Variants in PI4KA observed in about 807,000 individuals in gnomAD.
The protein encoded by PI4KA is PI4-kinase alpha.
A neutral mutation model predicts 271.4 loss-of-function variants in PI4KA; 122 were observed. The observed-to-expected ratio is 0.45, with a 90% CI of 0.39 to 0.52. PI4KA has a LOEUF of 0.52. Among genes scored for constraint, PI4KA ranks in the 20% least tolerant of loss-of-function variants. The pLI is 0.00. For missense variants in PI4KA, 1,969 were observed against 2,769.1 expected (o/e 0.71, Z 6.48); for synonymous variants, 1,041 against 1,078.8 (o/e 0.96, Z 0.69).
rs886192073 is a variant in PI4KA at position 20,759,402 on chromosome 22, C to CTTTTTTTTTTTTTT, written c.2791+1888_2791+1901dup. 2.5e-3 allele frequency among the ~76,000 whole-genome samples: 255 copies of CTTTTTTTTTTTTTT among 102,862 alleles called. 10 individuals carry two copies. Among genetic ancestry groups the CTTTTTTTTTTTTTT allele is most frequent in the East Asian group, 6.0e-3 (19 of 3,184 alleles). 67.5% of individuals were successfully genotyped at this position (102,862 alleles called of 152,430 possible). A position where few individuals can be genotyped will look rare whatever the true frequency, so the allele number is the denominator to read the frequency against. On this transcript the variant is annotated intron_variant, in intron 23 of 54. Coordinates refer to ENST00000255882, the MANE Select transcript of PI4KA (RefSeq NM_058004.4). ...TTGATTTTTCTTTTTCTTTTCTTTT[C>CTTTTTTTTTTTTTT]TTTTTTTTTTTTTTTTTTTTTGAGA...
intron 10 of PI4KA, among the ~76,000 whole-genome samples, chr22:20,805,559 G>A (rs1002333687): frequency 6.6e-6 from 1 of 152,016 alleles, no homozygotes; most frequent in Non-Finnish European, 1.5e-5. Context: ...AGGGCCAGGC[G>A]CGGTGGCTCA....
At chr22:20,729,735 G>A in intron 37 of PI4KA, 24 bp from the exon 38 acceptor site, 2 of 1,584,216 alleles carry the variant, frequency 1.3e-6, no homozygotes, top group Non-Finnish European at 8.6e-7. Flanking sequence ...CAAAGCACAG[G>A]TGTAGTCCTC....
rs571530408 is a variant in PI4KA at position 20,765,277 on chromosome 22, G to A, written c.2438-41C>T. On this transcript the variant is annotated intron_variant, in intron 20 of 54. Transcript: ENST00000255882. ...CATAAATGAGGAAATCACCTTGGTCGGAAAGCACTGCAGTGAGGTTGACTG... is the reference window on the plus strand; with the variant it reads ...CATAAATGAGGAAATCACCTTGGTCAGAAAGCACTGCAGTGAGGTTGACTG... 2.4e-5 allele frequency: 37 copies of A among 1,564,508 alleles called. No individual in the cohort carries two copies. The South Asian group carries it at 3.3e-4, about 14-fold the overall frequency.
intron 23 of PI4KA, among the ~76,000 whole-genome samples, chr22:20,757,431 AG>A (rs1931431339): frequency 6.6e-6 from 1 of 152,230 alleles, no homozygotes; most frequent in Non-Finnish European, 1.5e-5. Context: ...CTGATGTCAC[AG>A]GAACAGAAAA....
rs754586130 is a variant in PI4KA, at chr22:20,727,360, G to A, written c.4811C>T (p.Pro1604Leu). The A allele has an allele frequency of 2.3e-5, 37 of 1,608,842 alleles. No homozygotes were observed. The highest frequency in any genetic ancestry group is 1.4e-4 in the Admixed American group (8 of 58,238). ...VTWHTIDADAPELSHVLCWAP... is the reference protein window; with the variant it reads ...VTWHTIDADALELSHVLCWAP... ...CCAGCACAGCACATGGCTGAGCTCT[G>A]GAGCATCGGCGTCGATGGTGTGCCA... The change falls in exon 41 of 55, where the codon CCA becomes CTA. Residue 1604 changes from proline to leucine, a missense_variant. Coordinates refer to ENST00000255882, the MANE Select transcript of PI4KA (RefSeq NM_058004.4).
chr22:20,795,707 T>C (rs1392965343), intron 18 of PI4KA, among the ~76,000 whole-genome samples: 2 of 152,202 alleles, frequency 1.3e-5, no homozygotes, highest in Non-Finnish European at 2.9e-5. Context: ...ACATGACGTT[T>C]ATCTCAGTAG....
At chr22:20,810,864 G>A in intron 9 of PI4KA, 103 bp downstream of exon 9, 1 of 882,498 alleles carries the variant, frequency 1.1e-6, no homozygotes. Flanking sequence ...TGAAAACACT[G>A]CAAAACCCCT....
chr22:20,852,549 A>T (rs1024376330), intron 1 of PI4KA, among the ~76,000 whole-genome samples: 4 of 152,180 alleles, frequency 2.6e-5, no homozygotes, highest in African/African-American at 9.7e-5. Flanking sequence ...GTTACAGGTA[A>T]AGATTTTTTC....
intron 15 of PI4KA, 101 bp from the exon 16 acceptor site, chr22:20,799,377 G>T: frequency 8.9e-7 from 1 of 1,122,068 alleles, no homozygotes; most frequent in Non-Finnish European, 1.2e-6. Context: ...TTTCATAACA[G>T]TCTTGATGCA....
In PI4KA at chr22:20,810,957, A is replaced by G. The variant is rs1424782855; in HGVS notation, c.1071+10T>C. ...CTGATCTCATGGTAATGCCCTCAGAAGCGACATACCTCCATCACACTGGCT... is the reference window on the plus strand; with the variant it reads ...CTGATCTCATGGTAATGCCCTCAGAGGCGACATACCTCCATCACACTGGCT... On this transcript the variant is annotated intron_variant, in intron 9 of 54. Coordinates refer to ENST00000255882, the MANE Select transcript of PI4KA (RefSeq NM_058004.4). 2 of 1,605,762 alleles carry G rather than the reference A, an allele frequency of 1.2e-6. No homozygotes were observed. Among genetic ancestry groups the G allele is most frequent in the Admixed American group, 1.7e-5 (1 of 59,996 alleles).
rs1928075820 is a variant in PI4KA, at chr22:20,731,714, G to C, written c.4288+1257C>G. Among the ~76,000 whole-genome samples, 3 of 152,202 alleles carry C rather than the reference G, an allele frequency of 2.0e-5. 1 individual carries two copies. The South Asian group carries it at 6.2e-4, about 31-fold the overall frequency. The stretch of plus-strand genomic sequence containing the variant: ...GGAGGCCGAGGTGGGCAGATCACGA[G>C]GTCAGGAAATCGAGACCATCCTGGC... On this transcript the variant is annotated intron_variant, in intron 36 of 54. Coordinates refer to ENST00000255882, the MANE Select transcript of PI4KA (RefSeq NM_058004.4).
At chr22:20,734,839 C>A (rs1928522638) in intron 32 of PI4KA, among the ~76,000 whole-genome samples, 1 of 152,062 alleles carries the variant, frequency 6.6e-6, no homozygotes, top group East Asian at 1.9e-4. Flanking sequence ...GTACCTGATG[C>A]CCTGACAGGC....
At chr22:20,713,249 C>T in intron 48 of PI4KA, 32 bp downstream of exon 48, 2 of 1,471,808 alleles carry the variant, frequency 1.4e-6, no homozygotes, top group Non-Finnish European at 9.3e-7. Context: ...AAGCCCAGTC[C>T]CCAAGCCTAC....
At chr22:20,826,998 T>C (rs1355246546) in intron 3 of PI4KA, among the ~76,000 whole-genome samples, 1 of 151,784 alleles carries the variant, frequency 6.6e-6, no homozygotes, top group Non-Finnish European at 1.5e-5. Flanking sequence ...GGTGGCTGTT[T>C]ACTCTCTTGA....
chr22:20,780,204 A>C (rs746312117), intron 19 of PI4KA: 25 of 1,614,230 alleles, frequency 1.5e-5, no homozygotes, highest in Non-Finnish European at 2.1e-5. Context: ...CTTCAAAGGT[A>C]AGAGGCACCT....
At chr22:20,746,256 G>A (rs895493093) in intron 29 of PI4KA, among the ~76,000 whole-genome samples, 47 of 151,902 alleles carry the variant, frequency 3.1e-4, no homozygotes, top group African/African-American at 1.1e-3. Flanking sequence ...TAGAGACGGG[G>A]TTTCACCGTG....
intron 36 of PI4KA, among the ~76,000 whole-genome samples, chr22:20,731,189 T>C (rs1398812174): frequency 6.6e-6 from 1 of 152,094 alleles, no homozygotes; most frequent in East Asian, 1.9e-4. Flanking sequence ...TAAAAAAAAG[T>C]AGAAAATAAA....
chr22:20,777,377 G>A lies in PI4KA; in HGVS notation c.2329-11684C>T, dbSNP rs537097098. On this transcript the variant is annotated intron_variant, in intron 19 of 54. Transcript: ENST00000255882. ...GATTACAGGCATGCGCCACCACGCC[G>A]GCTAATTTTTTTGTATTTTTTGTAG... 2.7e-3 allele frequency among the ~76,000 whole-genome samples: 406 copies of A among 151,980 alleles called. 2 individuals carry two copies. The highest frequency in any genetic ancestry group is 9.4e-3 in the African/African-American group (388 of 41,452).
chr22:20,827,899 A>G (rs2147732991), intron 3 of PI4KA, among the ~76,000 whole-genome samples: 1 of 152,202 alleles, frequency 6.6e-6, no homozygotes. Context: ...GGTTCAAGCG[A>G]TTCTCCTGCC....
Sources: allele counts gnomAD v4.1 joint callset (sites outside exome capture counted in the v4.1 genomes callset), GRCh38; gene constraint gnomAD v4.1.1; transcripts MANE v1.5; gene names NCBI Gene and HGNC (gene_info 2026-07-23, HGNC 2026-07-21).